The following PTPRO variants were observed in gnomAD, a reference collection of about 807,000 sequenced individuals.
PTPRO encodes receptor-type tyrosine-protein phosphatase O.
PTPRO carries 62 observed loss-of-function variants against 145.2 expected under a neutral mutation model. The observed-to-expected ratio is 0.43, with a 90% CI of 0.35 to 0.53. The LOEUF (loss-of-function observed/expected upper bound fraction) is 0.53. Ranked by LOEUF, PTPRO falls within the 20% of genes least tolerant of loss-of-function variation. The probability of loss-of-function intolerance (pLI) is 0.01; values close to 1 mark genes in which losing one functional copy is unlikely to be tolerated. For missense variants in PTPRO, 1,345 were observed against 1,482.7 expected (o/e 0.91, Z 1.53); for synonymous variants, 565 against 514.7 (o/e 1.10, Z -1.32).
At chr12:15,457,524 T>C (rs770115075) in intron 1 of PTPRO, among the ~76,000 whole-genome samples, 3 of 152,214 alleles carry the variant, frequency 2.0e-5, no homozygotes, top group Non-Finnish European at 2.9e-5. Context: ...TATTGCCTTG[T>C]TGTTAATTGT....
intron 1 of PTPRO, among the ~76,000 whole-genome samples, chr12:15,352,649 C>CAAAAAAAAAAA (rs71042243): frequency 2.0e-5 from 2 of 100,416 alleles, no homozygotes; most frequent in African/African-American, 8.1e-5. Context: ...GACTCTGTCT[C>CAAAAAAAAAAA]AAAAAAAAAA....
chr12:15,591,342 G>A (rs2135674730), intron 25 of PTPRO, among the ~76,000 whole-genome samples: 1 of 152,192 alleles, frequency 6.6e-6, no homozygotes, highest in South Asian at 2.1e-4. Flanking sequence ...CTGCACTCCA[G>A]CCTGGGCGAC....
chr12:15,323,948 A>T (rs1158560241), intron 1 of PTPRO, among the ~76,000 whole-genome samples: 6 of 152,242 alleles, frequency 3.9e-5, no homozygotes, highest in Non-Finnish European at 5.9e-5. Flanking sequence ...TATAAAAAAA[A>T]TTCAGGGAGA....
chr12:15,410,110 AG>A (rs1939757553), intron 1 of PTPRO, among the ~76,000 whole-genome samples: 1 of 152,238 alleles, frequency 6.6e-6, no homozygotes, highest in Non-Finnish European at 1.5e-5. Flanking sequence ...ACAAACAGAA[AG>A]CAGGAATAAA....
At chr12:15,551,471 C>G (rs1469177071) in intron 14 of PTPRO, 80 bp from the exon 15 acceptor site, 12 of 1,546,818 alleles carry the variant, frequency 7.8e-6, no homozygotes, top group Non-Finnish European at 9.7e-6. Context: ...GCCCTTAAGA[C>G]TAGATGAAAA....
chr12:15,405,067 T>C (rs1395231205), intron 1 of PTPRO, among the ~76,000 whole-genome samples: 1 of 152,204 alleles, frequency 6.6e-6, no homozygotes, highest in East Asian at 1.9e-4. Context: ...CTTCATTTCC[T>C]AATTACCTTC....
At chr12:15,393,010 T>C (rs1939233191) in intron 1 of PTPRO, among the ~76,000 whole-genome samples, 4 of 152,194 alleles carry the variant, frequency 2.6e-5, no homozygotes, top group Non-Finnish European at 5.9e-5. Context: ...TATGATTTTG[T>C]TGTTTATTTC....
intron 1 of PTPRO, among the ~76,000 whole-genome samples, chr12:15,400,992 A>G (rs1939477135): frequency 6.6e-6 from 1 of 152,230 alleles, no homozygotes; most frequent in Admixed American, 6.5e-5. Context: ...GCTTAAAGCA[A>G]TGAAGTGTTT....
chr12:15,589,470 G>C lies in PTPRO; in HGVS notation c.3426G>C (p.Arg1142=), dbSNP rs1222795731. ...MIIHCSAGVG[R]TGTFIALDRL... is the part of the protein sequence containing the mutation. ...TCTTTTGCAGTGCTGGCGTGGGACG[G>C]ACAGGAACATTCATTGCCCTGGACA... The change falls in exon 25 of 27, where the codon CGG becomes CGC. Residue 1142 remains arginine (R), a synonymous_variant. Transcript: ENST00000281171. 1.9e-6 allele frequency: 3 copies of C among 1,613,978 alleles called. No homozygotes were observed. The highest frequency in any genetic ancestry group is 2.5e-6 in the Non-Finnish European group (3 of 1,180,002).
At chr12:15,532,841 T>A (rs1211843769) in intron 12 of PTPRO, among the ~76,000 whole-genome samples, 1 of 152,174 alleles carries the variant, frequency 6.6e-6, no homozygotes, top group African/African-American at 2.4e-5. Context: ...AAGATTGAGC[T>A]CATATTCCCA....
chr12:15,444,488 AAAATTG>A (rs1356314035), intron 1 of PTPRO, among the ~76,000 whole-genome samples: 1 of 152,116 alleles, frequency 6.6e-6, no homozygotes, highest in Non-Finnish European at 1.5e-5. Context: ...ATCAAAACTA[AAAATTG>A]AAAAAGAAAA....
Position 15,471,470 on chromosome 12 carries a change from T to TA in PTPRO, c.76-12499dup, listed in dbSNP as rs777948710. 3.7e-4 allele frequency among the ~76,000 whole-genome samples: 56 copies of TA among 152,282 alleles called. No homozygotes were observed. In the Middle Eastern group the frequency reaches 0.017, roughly 46 times the overall value. On this transcript the variant is annotated intron_variant, in intron 1 of 26. Transcript: ENST00000281171. ...GAAAGGATACATTTAGGATACATAT[T>TA]AAAAAGTCTAGTAATCCACAGCCCA...
At chr12:15,442,911 A>G (rs1940808805) in intron 1 of PTPRO, among the ~76,000 whole-genome samples, 1 of 152,146 alleles carries the variant, frequency 6.6e-6, no homozygotes, top group African/African-American at 2.4e-5. Context: ...AGCAATCTAC[A>G]CTTTTAATAC....
intron 1 of PTPRO, among the ~76,000 whole-genome samples, chr12:15,364,781 C>A (rs1938311361): frequency 6.6e-6 from 1 of 152,168 alleles, no homozygotes; most frequent in Non-Finnish European, 1.5e-5. Context: ...TAATTTTGTT[C>A]TGCAAGAGAG....
intron 2 of PTPRO, among the ~76,000 whole-genome samples, chr12:15,495,211 T>G (rs1431992771): frequency 6.6e-6 from 1 of 151,790 alleles, no homozygotes; most frequent in Non-Finnish European, 1.5e-5. Flanking sequence ...TAAAATATAC[T>G]GGAGTCTGAA....
intron 1 of PTPRO, among the ~76,000 whole-genome samples, chr12:15,470,456 T>A (rs528148527): frequency 6.6e-6 from 1 of 152,042 alleles, no homozygotes; most frequent in African/African-American, 2.4e-5. Context: ...ATATGACTAT[T>A]ATTATTACCC....
intron 9 of PTPRO, among the ~76,000 whole-genome samples, chr12:15,517,961 C>T (rs940992442): frequency 1.4e-4 from 21 of 152,218 alleles, no homozygotes; most frequent in African/African-American, 3.1e-4. Flanking sequence ...CCTCTTCTCA[C>T]AGCTCCACTA....
chr12:15,352,507 C>T lies in PTPRO; in HGVS notation c.75+29706C>T, dbSNP rs540642268. 3.6e-3 allele frequency among the ~76,000 whole-genome samples: 539 copies of T among 151,774 alleles called. 7 individuals carry two copies. The highest frequency in any genetic ancestry group is 0.012 in the African/African-American group (506 of 41,390). On this transcript the variant is annotated intron_variant, in intron 1 of 26. Coordinates refer to ENST00000281171, the MANE Select transcript of PTPRO (RefSeq NM_030667.3). ...CTACTAAAAAATACAAAGAATTAGC[C>T]GGGTGTGGTGGCAGGCGCCTGTAGT...
At chr12:15,383,149 G>A (rs1591761714) in intron 1 of PTPRO, among the ~76,000 whole-genome samples, 1 of 152,016 alleles carries the variant, frequency 6.6e-6, no homozygotes, top group Non-Finnish European at 1.5e-5. Context: ...CAGCACCTGG[G>A]AACCACTACT....
Sources: allele counts gnomAD v4.1 joint callset (sites outside exome capture counted in the v4.1 genomes callset), GRCh38; gene constraint gnomAD v4.1.1; transcripts MANE v1.5; gene names NCBI Gene and HGNC (gene_info 2026-07-23, HGNC 2026-07-21).